PTCHD4: variants seen among roughly 807,000 people sequenced by gnomAD.
PTCHD4 encodes the protein patched domain containing 4, also known as patched domain-containing protein 4.
PTCHD4 carries 33 observed loss-of-function variants against 58.1 expected under a neutral mutation model. The observed-to-expected ratio is 0.57, with a 90% confidence interval of 0.43 to 0.76. PTCHD4 has a LOEUF of 0.76. Among genes scored for constraint, PTCHD4 ranks in the 30% least tolerant of loss-of-function variants. PTCHD4 has a pLI of 0.00. For synonymous variants in PTCHD4, 478 were observed against 409.6 expected (o/e 1.17, Z -2.02); for missense variants, 1,058 against 1,027.1 (o/e 1.03, Z -0.41).
chr6:47,936,094 T>C (rs1765990227), intron 4 of PTCHD4, among the ~76,000 whole-genome samples: 1 of 152,162 alleles, frequency 6.6e-6, no homozygotes, highest in Non-Finnish European at 1.5e-5. Context: ...CTGATTTACA[T>C]ATAATTGTGC....
At chr6:48,033,770 T>C (rs141133627) in intron 3 of PTCHD4, among the ~76,000 whole-genome samples, 1,789 of 152,178 alleles carry the variant, frequency 0.012, 23 homozygotes, top group South Asian at 0.027. Context: ...CTGAGTGTTT[T>C]TACATAGTTT....
chr6:48,032,188 T>C (rs144736273), intron 3 of PTCHD4, among the ~76,000 whole-genome samples: 1,699 of 152,230 alleles, frequency 0.011, 37 homozygotes, highest in African/African-American at 0.037. Context: ...AACATTCTTC[T>C]CTGCTGTGTG....
rs748936392 is a variant in PTCHD4 at position 47,879,150 on chromosome 6, G to T, written c.1685C>A (p.Ala562Asp). 1.2e-6 allele frequency: 2 copies of T among 1,611,788 alleles called. No homozygotes were observed. Among genetic ancestry groups the T allele is most frequent in the Admixed American group, 1.7e-5 (1 of 59,890 alleles). Reference sequence around the variant, plus strand: ...ACTGATGAAGTCACTTTTGTTATTGGCACTGACGTTGCTGACTTTCAGGAA... The same window carrying T: ...ACTGATGAAGTCACTTTTGTTATTGTCACTGACGTTGCTGACTTTCAGGAA... ...YQFLKVSNVS[A>D]NNKSDFISVL... is the part of the protein sequence containing the mutation. Residue 562 changes from alanine (A) to aspartate (D), a missense_variant, in exon 5 of 5, where the codon GCC (alanine) becomes GAC (aspartate). Physicochemically the swap from Ala to Asp is moderately radical, Grantham distance 126. Transcript: ENST00000339488.
In PTCHD4 at chr6:47,875,431, C is replaced by T. The variant is rs114087413; in HGVS notation, c.*2872G>A. 0.014 allele frequency among the ~76,000 whole-genome samples: 2,057 copies of T among 151,922 alleles called. 21 individuals carry two copies. Among genetic ancestry groups the T allele is most frequent in the South Asian group, 0.026 (124 of 4,824 alleles). On this transcript the variant is annotated 3_prime_UTR_variant, in exon 5 of 5. Coordinates refer to ENST00000339488, the MANE Select transcript of PTCHD4 (RefSeq NM_001384253.1). ...TTCACAGTGAGGTTGGGAGGTCAGA[C>T]GATGCTCTGTTAGATTCTTCTTAGG...
At chr6:47,964,980 T>C (rs1767231286) in intron 4 of PTCHD4, among the ~76,000 whole-genome samples, 1 of 152,178 alleles carries the variant, frequency 6.6e-6, no homozygotes, top group South Asian at 2.1e-4. Flanking sequence ...GGTATGACAG[T>C]ACAATATTGA....
chr6:47,986,038 ATATAAGAAG>A (rs1347490954), intron 4 of PTCHD4, among the ~76,000 whole-genome samples: 1 of 152,042 alleles, frequency 6.6e-6, no homozygotes, highest in African/African-American at 2.4e-5. Flanking sequence ...CCCTTTTATG[ATATAAGAAG>A]TATGTCTGAG....
intron 4 of PTCHD4, among the ~76,000 whole-genome samples, chr6:47,931,503 G>A (rs1289219710): frequency 1.3e-5 from 2 of 152,158 alleles, no homozygotes; most frequent in Admixed American, 6.5e-5. Context: ...GAATAAAGGA[G>A]CACATTTGTA....
chr6:48,027,931 G>T (rs1002015750), intron 3 of PTCHD4, among the ~76,000 whole-genome samples: 4 of 151,880 alleles, frequency 2.6e-5, no homozygotes, highest in African/African-American at 4.8e-5. Context: ...CCAGGATGTG[G>T]TTTTTTTGTT....
intron 4 of PTCHD4, among the ~76,000 whole-genome samples, chr6:47,916,433 C>T (rs1765245630): frequency 6.6e-6 from 1 of 152,036 alleles, no homozygotes; most frequent in Non-Finnish European, 1.5e-5. Context: ...TTGAGGCTTC[C>T]AGCAGCAGGA....
rs533807527 is a variant in PTCHD4 at position 48,077,407 on chromosome 6, G to T, written c.-969-7481C>A. Among the ~76,000 whole-genome samples the T allele has an allele frequency of 1.4e-4, 21 of 152,300 alleles. No homozygotes were observed. The South Asian group carries it at 4.1e-3, about 30-fold the overall frequency. ...AAGTTGTTGTTTAGTGTATCCACTT[G>T]CATTCATTATCTTAGGTAGATCTTT... On this transcript the variant is annotated intron_variant, in intron 1 of 4. Coordinates refer to ENST00000339488, the MANE Select transcript of PTCHD4 (RefSeq NM_001384253.1).
At chr6:48,020,539 C>A (rs1029723316) in intron 3 of PTCHD4, among the ~76,000 whole-genome samples, 8 of 151,798 alleles carry the variant, frequency 5.3e-5, no homozygotes, top group African/African-American at 1.9e-4. Flanking sequence ...ACTTTTGCAC[C>A]AAACTAATAA....
intron 4 of PTCHD4, among the ~76,000 whole-genome samples, chr6:48,006,128 CTTGAA>C (rs2114075282): frequency 6.6e-6 from 1 of 152,244 alleles, no homozygotes; most frequent in African/African-American, 2.4e-5. Context: ...ATTTTAAGGA[CTTGAA>C]TTGCAGAAAT....
chr6:48,026,493 C>T (rs1481481735), intron 3 of PTCHD4, among the ~76,000 whole-genome samples: 1 of 152,080 alleles, frequency 6.6e-6, no homozygotes, highest in Non-Finnish European at 1.5e-5. Flanking sequence ...CAACTTCTCT[C>T]CTCACCCTTC....
At chr6:47,970,998 C>T (rs1167589328) in intron 4 of PTCHD4, among the ~76,000 whole-genome samples, 2 of 152,102 alleles carry the variant, frequency 1.3e-5, no homozygotes, top group South Asian at 2.1e-4. Flanking sequence ...AGAGATCTGG[C>T]GTCAACTACT....
At chr6:47,974,808 C>A (rs1321975931) in intron 4 of PTCHD4, among the ~76,000 whole-genome samples, 1 of 152,126 alleles carries the variant, frequency 6.6e-6, no homozygotes, top group East Asian at 1.9e-4. Context: ...AAATTATTGG[C>A]AAGCAAGGAA....
rs1055872072 is a variant in PTCHD4 at position 47,975,362 on chromosome 6, G to A, written c.898+33272C>T. ...CCAAGGTATCCCTTTATTGTTTCTC[G>A]GCATCTGTTTTCCTAATCTTCTTTT... On this transcript the variant is annotated intron_variant, in intron 4 of 4. Transcript: ENST00000339488. Among the ~76,000 whole-genome samples the A allele has an allele frequency of 9.9e-5, 15 of 151,960 alleles. No homozygotes were observed. The South Asian group carries it at 1.5e-3, about 15-fold the overall frequency.
At chr6:48,023,021 C>G (rs1293535320) in intron 3 of PTCHD4, among the ~76,000 whole-genome samples, 4 of 152,148 alleles carry the variant, frequency 2.6e-5, no homozygotes, top group South Asian at 4.1e-4. Flanking sequence ...AGTAGTGACC[C>G]AATCAAGCTA....
intron 4 of PTCHD4, among the ~76,000 whole-genome samples, chr6:47,946,546 A>G (rs757610179): frequency 1.3e-5 from 2 of 151,996 alleles, no homozygotes; most frequent in Admixed American, 1.3e-4. Flanking sequence ...GTATTTTTCT[A>G]TTAGTTTACA....
chr6:48,012,944 G>A (rs1762734854), intron 3 of PTCHD4, among the ~76,000 whole-genome samples: 1 of 152,126 alleles, frequency 6.6e-6, no homozygotes, highest in South Asian at 2.1e-4. Flanking sequence ...TGGTAGATAA[G>A]CTTTTTGATG....
Sources: gnomAD v4.1 joint callset for allele counts (sites outside exome capture counted in the v4.1 genomes callset) on GRCh38, gnomAD v4.1.1 for gene constraint, MANE v1.5 for transcripts, NCBI Gene and HGNC (gene_info 2026-07-23, HGNC 2026-07-21) for gene names.